Variants in LRMDA observed in about 807,000 individuals in gnomAD.
The protein encoded by LRMDA is leucine rich melanocyte differentiation associated, also known as leucine-rich melanocyte differentiation-associated protein.
LRMDA carries 18 observed loss-of-function variants against 29.8 expected under a neutral mutation model. The observed-to-expected ratio is 0.60, with a 90% CI of 0.42 to 0.90. LRMDA has a LOEUF of 0.90. Among genes scored for constraint, LRMDA ranks in the 40% least tolerant of loss-of-function variants. The pLI is 0.00. For missense variants in LRMDA, 273 were observed against 273.9 expected, an observed-to-expected ratio of 1.00 and a Z score of 0.02; for synonymous variants, 125 against 109.4, an observed-to-expected ratio of 1.14 and a Z score of -0.89.
At chr10:75,647,251 A>AT (rs368493739) in intron 2 of LRMDA, among the ~76,000 whole-genome samples, 1,643 of 151,654 alleles carry the variant, frequency 0.011, 26 homozygotes, top group South Asian at 0.029. Flanking sequence ...ACCATGTCCA[A>AT]TTTTTTTTTA....
intron 2 of LRMDA, among the ~76,000 whole-genome samples, chr10:76,030,644 C>T (rs1365278546): frequency 2.6e-5 from 4 of 152,138 alleles, no homozygotes; most frequent in Non-Finnish European, 5.9e-5. Flanking sequence ...CAAAAATTAG[C>T]TGGGCGTGGT....
At chr10:76,225,535 T>G (rs1851937023) in intron 5 of LRMDA, among the ~76,000 whole-genome samples, 1 of 151,976 alleles carries the variant, frequency 6.6e-6, no homozygotes, top group South Asian at 2.1e-4. Context: ...GAGGTATTGC[T>G]CTATTATAAG....
intron 5 of LRMDA, among the ~76,000 whole-genome samples, chr10:76,157,702 A>G (rs751614606): frequency 1.3e-5 from 2 of 151,968 alleles, no homozygotes; most frequent in Non-Finnish European, 2.9e-5. Context: ...ATTTTTTAGC[A>G]TTAGTGACAA....
At chr10:76,173,843 G>A (rs536812965) in intron 5 of LRMDA, among the ~76,000 whole-genome samples, 95 of 152,226 alleles carry the variant, frequency 6.2e-4, no homozygotes, top group African/African-American at 2.2e-3. Context: ...TGGATTTTTA[G>A]TGGAGATGGG....
rs371552965 is a variant in LRMDA at position 75,486,179 on chromosome 10, A to T, written c.131+47685A>T. On this transcript the variant is annotated intron_variant, in intron 2 of 6. Coordinates refer to ENST00000611255, the MANE Select transcript of LRMDA (RefSeq NM_001305581.2). ...TGTTTTCAAATTTCTGTGAAATGTG[A>T]TCAGAGAATGTGATCTATATATACA... is the stretch of plus-strand genomic sequence containing the variant. Among the ~76,000 whole-genome samples the T allele has an allele frequency of 2.5e-4, 38 of 152,310 alleles. No homozygotes were observed. In the South Asian group the frequency reaches 5.4e-3, roughly 22 times the overall value.
At chr10:75,976,936 A>G (rs1847082293) in intron 2 of LRMDA, among the ~76,000 whole-genome samples, 1 of 152,150 alleles carries the variant, frequency 6.6e-6, no homozygotes, top group South Asian at 2.1e-4. Context: ...TGTTGGGTAA[A>G]CACAATCATG....
chr10:75,720,551 CAG>C (rs1277629287), intron 2 of LRMDA, among the ~76,000 whole-genome samples: 1 of 152,214 alleles, frequency 6.6e-6, no homozygotes, highest in Admixed American at 6.5e-5. Context: ...GCGAGCTTAA[CAG>C]AGTAGTCTTC....
At chr10:75,654,078 T>C (rs1841636740) in intron 2 of LRMDA, among the ~76,000 whole-genome samples, 2 of 138,306 alleles carry the variant, frequency 1.4e-5, no homozygotes, top group Admixed American at 6.6e-5. Context: ...CCTAATGTGT[T>C]GTCTTCTTTG....
intron 5 of LRMDA, among the ~76,000 whole-genome samples, chr10:76,239,303 T>G (rs976552082): frequency 6.6e-6 from 1 of 152,160 alleles, no homozygotes; most frequent in African/African-American, 2.4e-5. Context: ...ATTAGGCTTC[T>G]CTAACCAATA....
intron 2 of LRMDA, among the ~76,000 whole-genome samples, chr10:75,541,632 G>A (rs1840018638): frequency 6.6e-6 from 1 of 152,120 alleles, no homozygotes; most frequent in South Asian, 2.1e-4. Context: ...ATTGAGAAAT[G>A]TAATGGCAGG....
intron 2 of LRMDA, among the ~76,000 whole-genome samples, chr10:75,849,706 A>G (rs1281682157): frequency 1.3e-5 from 2 of 152,212 alleles, no homozygotes; most frequent in African/African-American, 4.8e-5. Flanking sequence ...ACCATGGTAC[A>G]CGTTTACCTA....
intron 2 of LRMDA, among the ~76,000 whole-genome samples, chr10:75,572,335 TC>T (rs1459019953): frequency 1.3e-5 from 2 of 151,804 alleles, no homozygotes; most frequent in African/African-American, 4.8e-5. Context: ...GTCTTCTTTT[TC>T]AGCTTTTTTT....
intron 2 of LRMDA, among the ~76,000 whole-genome samples, chr10:75,520,747 G>A (rs896619754): frequency 1.4e-4 from 21 of 152,202 alleles, no homozygotes; most frequent in Non-Finnish European, 2.6e-4. Context: ...GTGATCCTTT[G>A]GAGGAGAAGA....
chr10:76,386,974 TA>T (rs1230113394), intron 6 of LRMDA, among the ~76,000 whole-genome samples: 8 of 152,040 alleles, frequency 5.3e-5, no homozygotes, highest in Non-Finnish European at 1.2e-4. Context: ...TAAAATGAAA[TA>T]TTCGTAAATA....
At chr10:75,509,322 A>G (rs1051080289) in intron 2 of LRMDA, among the ~76,000 whole-genome samples, 2 of 152,228 alleles carry the variant, frequency 1.3e-5, no homozygotes, top group African/African-American at 4.8e-5. Context: ...TACCAGGAGG[A>G]AAAAGAAAAA....
chr10:76,305,383 A>G (rs1212165002), intron 5 of LRMDA, among the ~76,000 whole-genome samples: 1 of 152,100 alleles, frequency 6.6e-6, no homozygotes, highest in Admixed American at 6.5e-5. Context: ...AAGTAACCTC[A>G]AAACATCTTT....
chr10:76,206,092 G>C (rs911104696), intron 5 of LRMDA, among the ~76,000 whole-genome samples: 1 of 152,152 alleles, frequency 6.6e-6, no homozygotes, highest in Non-Finnish European at 1.5e-5. Context: ...GACGCATCTG[G>C]ATTGGTTTCT....
At chr10:76,116,751 G>A (rs1197814502) in intron 5 of LRMDA, among the ~76,000 whole-genome samples, 1 of 152,128 alleles carries the variant, frequency 6.6e-6, no homozygotes, top group East Asian at 1.9e-4. Context: ...CAGGAGTCCT[G>A]AGGGTAGCCA....
Position 75,853,433 on chromosome 10 carries a change from G to GGTGTGTGTGTGTGT in LRMDA, c.132-182555_132-182542dup, listed in dbSNP as rs3042495. On this transcript the variant is annotated intron_variant, in intron 2 of 6. Coordinates refer to ENST00000611255, the MANE Select transcript of LRMDA (RefSeq NM_001305581.2). ...CTAAAGCATCCACCTAAAGAAGAGG[G>GGTGTGTGTGTGTGT]GTGTGTGTGTGTGTGTGTGTGTGTG... is the stretch of plus-strand genomic sequence containing the variant. Among the ~76,000 whole-genome samples, 40 of 147,606 alleles carry GGTGTGTGTGTGTGT rather than the reference G, an allele frequency of 2.7e-4. 1 individual carries two copies. The highest frequency in any genetic ancestry group is 2.6e-3 in the South Asian group (12 of 4,552).
Sources: gnomAD v4.1 joint callset for allele counts (sites outside exome capture counted in the v4.1 genomes callset) on GRCh38, gnomAD v4.1.1 for gene constraint, MANE v1.5 for transcripts, NCBI Gene and HGNC (gene_info 2026-07-23, HGNC 2026-07-21) for gene names.